GRIK1: variants seen among roughly 807,000 people sequenced by gnomAD.
GRIK1 encodes glutamate ionotropic receptor kainate type subunit 1.
In GRIK1, 69 loss-of-function variants were observed where a neutral mutation model predicts 105.7. The observed-to-expected ratio is 0.65, with a 90% CI of 0.54 to 0.80. The LOEUF (loss-of-function observed/expected upper bound fraction) is 0.80, where lower values mean the gene tolerates loss of function less well. GRIK1 is among the 30% of genes least tolerant of loss of function. GRIK1 has a pLI of 0.00. For missense variants in GRIK1, 1,109 were observed against 1,167.3 expected (o/e 0.95, Z 0.73); for synonymous variants, 438 against 431.3 (o/e 1.02, Z -0.19).
At chr21:29,571,789 G>A (rs1458401913) in intron 14 of GRIK1, among the ~76,000 whole-genome samples, 1 of 152,124 alleles carries the variant, frequency 6.6e-6, no homozygotes, top group African/African-American at 2.4e-5. Flanking sequence ...TTTATCATTT[G>A]GGTACTGCCA....
intron 1 of GRIK1, among the ~76,000 whole-genome samples, chr21:29,768,139 C>T (rs2065721854): frequency 6.6e-6 from 1 of 152,086 alleles, no homozygotes; most frequent in South Asian, 2.1e-4. Context: ...AGTTTTTAGG[C>T]TGGATGACCT....
chr21:29,828,077 A>G lies in GRIK1; in HGVS notation c.118+111306T>C, dbSNP rs567738746. On this transcript the variant is annotated intron_variant, in intron 1 of 17. Transcript: ENST00000327783. ...AACACAGGGTGTCTCTATTAAGGTAATAGACTTTCTCACATGGTGGCTCGG... is the reference window on the plus strand; with the variant it reads ...AACACAGGGTGTCTCTATTAAGGTAGTAGACTTTCTCACATGGTGGCTCGG... 2.0e-5 allele frequency among the ~76,000 whole-genome samples: 3 copies of G among 151,614 alleles called. No homozygotes were observed. In the South Asian group the frequency reaches 6.3e-4, roughly 32 times the overall value.
chr21:29,908,976 T>C (rs954448078), intron 1 of GRIK1, among the ~76,000 whole-genome samples: 17 of 152,216 alleles, frequency 1.1e-4, no homozygotes, highest in African/African-American at 3.9e-4. Context: ...CTAAGTAAAC[T>C]TTCAATTTTG....
Position 29,822,146 on chromosome 21 carries a change from A to G in GRIK1, c.118+117237T>C, listed in dbSNP as rs141444573. Among the ~76,000 whole-genome samples the G allele has an allele frequency of 5.6e-4, 85 of 152,194 alleles. No homozygotes were observed. In the East Asian group the frequency reaches 0.014, roughly 25 times the overall value. ...GGAAAGTGTTTCTGTAAATGGTTGCATAGCATATATTGTAGAGTCTCTGGG... is the reference window on the plus strand; with the variant it reads ...GGAAAGTGTTTCTGTAAATGGTTGCGTAGCATATATTGTAGAGTCTCTGGG... On this transcript the variant is annotated intron_variant, in intron 1 of 17. Transcript: ENST00000327783.
chr21:29,702,167 G>A (rs2063824457), intron 1 of GRIK1, among the ~76,000 whole-genome samples: 1 of 152,190 alleles, frequency 6.6e-6, no homozygotes, highest in African/African-American at 2.4e-5. Context: ...GGAGGAGGGA[G>A]AGGATCAAGA....
At chr21:29,853,466 T>G (rs1396581598) in intron 1 of GRIK1, among the ~76,000 whole-genome samples, 1 of 152,234 alleles carries the variant, frequency 6.6e-6, no homozygotes, top group Non-Finnish European at 1.5e-5. Flanking sequence ...GGAAGCCAAG[T>G]ATCTCTTAGT....
At chr21:29,887,268 A>C (rs2069663535) in intron 1 of GRIK1, among the ~76,000 whole-genome samples, 1 of 152,236 alleles carries the variant, frequency 6.6e-6, no homozygotes, top group African/African-American at 2.4e-5. Context: ...TTAAAATTTA[A>C]TTCACATGAA....
intron 6 of GRIK1, among the ~76,000 whole-genome samples, chr21:29,644,417 G>A (rs1277187307): frequency 2.6e-5 from 4 of 152,226 alleles, no homozygotes; most frequent in Non-Finnish European, 4.4e-5. Flanking sequence ...GTTCACTGAC[G>A]AAGTTAATAC....
intron 1 of GRIK1, among the ~76,000 whole-genome samples, chr21:29,780,616 G>A (rs2145775521): frequency 6.6e-6 from 1 of 152,264 alleles, no homozygotes; most frequent in Non-Finnish European, 1.5e-5. Flanking sequence ...GCAAACAGGA[G>A]AACGAGCAGC....
chr21:29,801,109 T>C (rs1257748212), intron 1 of GRIK1, among the ~76,000 whole-genome samples: 1 of 152,000 alleles, frequency 6.6e-6, no homozygotes, highest in Non-Finnish European at 1.5e-5. Context: ...GAAGACCACA[T>C]GGTTGACTAG....
At chr21:29,722,428 C>T (rs770460683) in intron 1 of GRIK1, among the ~76,000 whole-genome samples, 23 of 151,764 alleles carry the variant, frequency 1.5e-4, no homozygotes, top group Non-Finnish European at 2.5e-4. Context: ...TGGTGGTGGG[C>T]GCCTGTAGTC....
chr21:29,844,839 CT>C (rs1187334302), intron 1 of GRIK1, among the ~76,000 whole-genome samples: 1 of 152,064 alleles, frequency 6.6e-6, no homozygotes, highest in Non-Finnish European at 1.5e-5. Flanking sequence ...TTACAAGTAT[CT>C]TTTTTTCTTC....
intron 1 of GRIK1, among the ~76,000 whole-genome samples, chr21:29,789,038 G>A (rs922575653): frequency 1.3e-5 from 2 of 152,170 alleles, no homozygotes; most frequent in African/African-American, 4.8e-5. Flanking sequence ...AAAATAATGG[G>A]TTTACTTCAA....
At chr21:29,810,743 AG>A (rs1341381542) in intron 1 of GRIK1, among the ~76,000 whole-genome samples, 2 of 152,180 alleles carry the variant, frequency 1.3e-5, no homozygotes, top group African/African-American at 2.4e-5. Flanking sequence ...AAGACAGAGA[AG>A]TAGCAATAGC....
intron 14 of GRIK1, among the ~76,000 whole-genome samples, chr21:29,562,755 C>G (rs534420949): frequency 1.6e-4 from 24 of 151,594 alleles, no homozygotes; most frequent in African/African-American, 5.8e-4. Context: ...GACTGAATAT[C>G]TCATTTCAAA....
At chr21:29,805,439 T>C (rs2145870948) in intron 1 of GRIK1, among the ~76,000 whole-genome samples, 1 of 152,270 alleles carries the variant, frequency 6.6e-6, no homozygotes, top group East Asian at 1.9e-4. Flanking sequence ...TCCAGTGTTA[T>C]TAGCCAATAA....
intron 13 of GRIK1, among the ~76,000 whole-genome samples, chr21:29,580,989 A>G (rs1239271512): frequency 3.9e-5 from 6 of 152,164 alleles, no homozygotes; most frequent in Admixed American, 6.5e-5. Context: ...AGGGTTTGCC[A>G]GAGTAGTAAT....
intron 14 of GRIK1, among the ~76,000 whole-genome samples, chr21:29,573,342 A>G (rs189010516): frequency 1.3e-5 from 2 of 152,330 alleles, no homozygotes; most frequent in Non-Finnish European, 2.9e-5. Context: ...GTGGAAGTGC[A>G]TTATCCAAAC....
At chr21:29,621,695 C>A (rs1343671557) in intron 7 of GRIK1, among the ~76,000 whole-genome samples, 1 of 152,134 alleles carries the variant, frequency 6.6e-6, no homozygotes. Context: ...ACTTCTAGGA[C>A]AAGACTGGTA....
Sources: gnomAD v4.1 joint callset for allele counts (sites outside exome capture counted in the v4.1 genomes callset) on GRCh38, gnomAD v4.1.1 for gene constraint, MANE v1.5 for transcripts, NCBI Gene and HGNC (gene_info 2026-07-23, HGNC 2026-07-21) for gene names.